The following ZCCHC24 variants were observed in gnomAD, a reference collection of about 807,000 sequenced individuals.
The protein encoded by ZCCHC24 is zinc finger CCHC-type containing 24.
ZCCHC24 carries 10 observed loss-of-function variants against 26.2 expected under a neutral mutation model. The ratio of observed to expected loss-of-function variants is 0.38; its 90% CI spans 0.24 to 0.65. The LOEUF is 0.65. ZCCHC24 is among the 30% of genes least tolerant of loss of function. The pLI, the probability that ZCCHC24 is intolerant of heterozygous loss-of-function variation, is 0.54. For synonymous variants in ZCCHC24, 144 were observed against 147.1 expected, an observed-to-expected ratio of 0.98 and a Z score of 0.15; for missense variants, 243 against 329.1, an observed-to-expected ratio of 0.74 and a Z score of 2.03.
chr10:79,435,057 T>A (rs1857197271), intron 1 of ZCCHC24, among the ~76,000 whole-genome samples: 1 of 146,976 alleles, frequency 6.8e-6, no homozygotes, highest in African/African-American at 2.5e-5. Context: ...CCCCTCCCCC[T>A]CCAAATCCGC....
At chr10:79,399,226 C>T (rs566119671) in intron 2 of ZCCHC24, among the ~76,000 whole-genome samples, 45 of 152,268 alleles carry the variant, frequency 3.0e-4, no homozygotes, top group African/African-American at 9.6e-4. Context: ...GGTTCAGTCC[C>T]GACGTTGTTT....
At chr10:79,418,736 T>A (rs1856898490) in intron 2 of ZCCHC24, among the ~76,000 whole-genome samples, 1 of 152,100 alleles carries the variant, frequency 6.6e-6, no homozygotes, top group Admixed American at 6.5e-5. Context: ...CTCTGTCCCC[T>A]AGGGGCCAGA....
chr10:79,433,155 C>A lies in ZCCHC24; in HGVS notation c.247-397G>T, dbSNP rs192100155. 4.9e-3 allele frequency among the ~76,000 whole-genome samples: 741 copies of A among 152,328 alleles called. 4 individuals carry two copies. Among genetic ancestry groups the A allele is most frequent in the African/African-American group, 0.017 (707 of 41,562 alleles). On this transcript the variant is annotated intron_variant, in intron 1 of 3. Coordinates refer to ENST00000372336, the MANE Select transcript of ZCCHC24 (RefSeq NM_153367.4). ...TGAGGTAAGAACATATAGTAGAAAG[C>A]AACCTGTCAGATTTGGGGCTCTGCC...
At chr10:79,436,652 C>T (rs1390480504) in intron 1 of ZCCHC24, among the ~76,000 whole-genome samples, 1 of 152,268 alleles carries the variant, frequency 6.6e-6, no homozygotes, top group Non-Finnish European at 1.5e-5. Context: ...CCCTCCATTG[C>T]CCCACAGCCT....
intron 2 of ZCCHC24, among the ~76,000 whole-genome samples, chr10:79,426,218 T>G (rs931677458): frequency 2.6e-5 from 4 of 152,204 alleles, no homozygotes; most frequent in Non-Finnish European, 5.9e-5. Flanking sequence ...TGCTTTAAGC[T>G]TGCTTTCACT....
intron 2 of ZCCHC24, among the ~76,000 whole-genome samples, chr10:79,409,986 C>G (rs1400500284): frequency 6.6e-6 from 1 of 152,176 alleles, no homozygotes; most frequent in Non-Finnish European, 1.5e-5. Context: ...TGTGCCTCCG[C>G]CCCTCCCCTC....
intron 2 of ZCCHC24, among the ~76,000 whole-genome samples, chr10:79,416,348 C>T (rs865785978): frequency 3.3e-5 from 5 of 152,338 alleles, no homozygotes; most frequent in African/African-American, 4.8e-5. Flanking sequence ...TAGAACCAAA[C>T]GCGTTGGTAA....
At chr10:79,402,189 C>T (rs923580987) in intron 2 of ZCCHC24, among the ~76,000 whole-genome samples, 1 of 152,216 alleles carries the variant, frequency 6.6e-6, no homozygotes, top group Non-Finnish European at 1.5e-5. Context: ...TGGGGCAGTG[C>T]GGAGTAAACA....
Position 79,410,363 on chromosome 10 carries a change from A to T in ZCCHC24, c.448-15923T>A, listed in dbSNP as rs569681659. On this transcript the variant is annotated intron_variant, in intron 2 of 3. Transcript: ENST00000372336. ...TCCCATGCCTGGAGCAGCACCTGGC[A>T]CATAGTAGGTACTCAATAAATACAC... is the stretch of plus-strand genomic sequence containing the variant. 1.4e-4 allele frequency among the ~76,000 whole-genome samples: 22 copies of T among 152,380 alleles called. No homozygotes were observed. In the South Asian group the frequency reaches 1.9e-3, roughly 13 times the overall value.
chr10:79,401,024 C>T (rs118005920), intron 2 of ZCCHC24, among the ~76,000 whole-genome samples: 2 of 152,376 alleles, frequency 1.3e-5, no homozygotes, highest in East Asian at 3.9e-4. Context: ...CCCTTTTGCA[C>T]AGAGGTGACA....
At chr10:79,423,307 T>C (rs1361244071) in intron 2 of ZCCHC24, among the ~76,000 whole-genome samples, 2 of 152,008 alleles carry the variant, frequency 1.3e-5, no homozygotes, top group Admixed American at 6.6e-5. Context: ...TCCCAGCACT[T>C]TGGGAGTCCG....
rs923059430 is a variant in ZCCHC24, at chr10:79,386,238, G to C, written c.*107C>G. On this transcript the variant is annotated 3_prime_UTR_variant, in exon 4 of 4. Transcript: ENST00000372336. ...CCCCGGCCCAGCCCCGCAGGCCTGCGAGGGCACCCCATGCACAGGGCGACA... is the reference window on the plus strand; with the variant it reads ...CCCCGGCCCAGCCCCGCAGGCCTGCCAGGGCACCCCATGCACAGGGCGACA... 1.4e-5 allele frequency: 15 copies of C among 1,057,174 alleles called. No homozygotes were observed. The Admixed American group carries it at 3.1e-4, about 22-fold the overall frequency. The allele number at this position is 1,057,174 out of a possible 1,614,324, so 65.5% of individuals were successfully genotyped here.
chr10:79,402,149 G>A (rs1856641691), intron 2 of ZCCHC24, among the ~76,000 whole-genome samples: 1 of 152,218 alleles, frequency 6.6e-6, no homozygotes, highest in Admixed American at 6.5e-5. Context: ...AAGGTCCCTG[G>A]TCATTCTCCC....
chr10:79,445,149 C>A, intron 1 of ZCCHC24, 46 bp downstream of exon 1: 2 of 836,190 alleles, frequency 2.4e-6, no homozygotes, highest in Non-Finnish European at 2.7e-6. Context: ...CACGGTGGGG[C>A]GGTGGGGCGG....
At chr10:79,386,693 A>ACGGTGC (rs1158515053) in intron 3 of ZCCHC24, among the ~76,000 whole-genome samples, 4 of 152,290 alleles carry the variant, frequency 2.6e-5, no homozygotes, top group East Asian at 1.9e-4. Flanking sequence ...TGTTTCAGCC[A>ACGGTGC]CGGTGCCGGG....
chr10:79,395,815 CAG>C (rs1856539283), intron 2 of ZCCHC24, among the ~76,000 whole-genome samples: 2 of 148,678 alleles, frequency 1.3e-5, no homozygotes, highest in South Asian at 4.1e-4. Context: ...ATCTCCCACA[CAG>C]TGTTATTTTA....
At chr10:79,397,095 C>A (rs1856557148) in intron 2 of ZCCHC24, among the ~76,000 whole-genome samples, 2 of 152,234 alleles carry the variant, frequency 1.3e-5, no homozygotes, top group Admixed American at 6.5e-5. Flanking sequence ...TTGGTGATAG[C>A]CTGCTAGAAT....
At chr10:79,404,953 C>T (rs1298543808) in intron 2 of ZCCHC24, among the ~76,000 whole-genome samples, 1 of 152,216 alleles carries the variant, frequency 6.6e-6, no homozygotes, top group African/African-American at 2.4e-5. Flanking sequence ...GCCATGTACC[C>T]TTCAAGAGCA....
At position 79,394,273 on chromosome 10, in the gene ZCCHC24, C is replaced by T. The variant is rs766113078; in HGVS notation, c.612+3G>A. 21 of 1,612,756 alleles carry T rather than the reference C, an allele frequency of 1.3e-5. No individual in the cohort carries two copies. The highest frequency in any genetic ancestry group is 4.4e-5 in the South Asian group (4 of 90,990). ...TGAGAAGGCCCCAGCCTGCCCGGCT[C>T]ACCTGCTTGTGTGGATACACGTTGA... On this transcript the variant is annotated splice_donor_region_variant and intron_variant, in intron 3 of 3. Transcript: ENST00000372336.
Sources: gnomAD v4.1 joint callset for allele counts (sites outside exome capture counted in the v4.1 genomes callset) on GRCh38, gnomAD v4.1.1 for gene constraint, MANE v1.5 for transcripts, NCBI Gene and HGNC (gene_info 2026-07-23, HGNC 2026-07-21) for gene names.